Variants in GRM8 observed in about 807,000 individuals in gnomAD.
The protein encoded by GRM8 is metabotropic glutamate receptor 8.
A neutral mutation model predicts 87.2 loss-of-function variants in GRM8; 47 were observed. That is an observed-to-expected ratio of 0.54 (90% confidence interval 0.43 to 0.69). GRM8 has a LOEUF of 0.69. GRM8 is among the 30% of genes least tolerant of loss of function. GRM8 has a pLI of 0.00. For missense variants in GRM8, 1,019 were observed against 1,139.2 expected (o/e 0.89, Z 1.52); for synonymous variants, 396 against 404.5 (o/e 0.98, Z 0.25).
chr7:126,536,915 G>A (rs950599817), intron 8 of GRM8, among the ~76,000 whole-genome samples: 2 of 152,040 alleles, frequency 1.3e-5, no homozygotes, highest in Non-Finnish European at 2.9e-5. Flanking sequence ...TTAAAGGTCA[G>A]TTTCTCTAAC....
At chr7:126,683,543 A>C (rs767726864) in intron 7 of GRM8, among the ~76,000 whole-genome samples, 8 of 152,002 alleles carry the variant, frequency 5.3e-5, no homozygotes, top group Non-Finnish European at 1.2e-4. Flanking sequence ...ATTTTCCCTT[A>C]TCCTTTTCTC....
chr7:126,444,514 T>C (rs1159145848), intron 10 of GRM8, among the ~76,000 whole-genome samples: 1 of 152,090 alleles, frequency 6.6e-6, no homozygotes, highest in Non-Finnish European at 1.5e-5. Flanking sequence ...AAATTTGGTA[T>C]TGGTGACCCG....
intron 8 of GRM8, among the ~76,000 whole-genome samples, chr7:126,562,627 G>T (rs1793827368): frequency 6.6e-6 from 1 of 152,190 alleles, no homozygotes; most frequent in Admixed American, 6.5e-5. Flanking sequence ...CGGCGTGGTG[G>T]CTCACGCCTG....
In GRM8 at chr7:126,637,156, A is replaced by G. The variant is rs1223527670; in HGVS notation, c.1358-27658T>C. Among the ~76,000 whole-genome samples the G allele has an allele frequency of 2.6e-5, 4 of 152,294 alleles. No individual in the cohort carries two copies. In the South Asian group the frequency reaches 6.2e-4, roughly 24 times the overall value. On this transcript the variant is annotated intron_variant, in intron 7 of 10. Transcript: ENST00000339582. The stretch of plus-strand genomic sequence containing the variant: ...TAAATATGCTAGCATGCATGTGAAA[A>G]TGCATTATCCAGGAGAGAATAATTA...
chr7:126,932,942 TATATC>T (rs1805921408), intron 3 of GRM8, among the ~76,000 whole-genome samples: 2 of 152,248 alleles, frequency 1.3e-5, no homozygotes, highest in South Asian at 4.1e-4. Context: ...GTTGTGGAGT[TATATC>T]ATATCAAGAA....
chr7:126,514,964 T>A (rs779865726), intron 9 of GRM8, among the ~76,000 whole-genome samples: 1 of 152,014 alleles, frequency 6.6e-6, no homozygotes, highest in Non-Finnish European at 1.5e-5. Context: ...ACTAAATTAT[T>A]ATAATTACAT....
At position 126,446,384 on chromosome 7, in the gene GRM8, A is replaced by G. The variant is rs1802024377; in HGVS notation, c.2431-12T>C. ...GTCTGGATGTACATCTGAGGGAAGAAAAAAAAAAGAATCACTGTTGGTAAG... is the reference window on the plus strand; with the variant it reads ...GTCTGGATGTACATCTGAGGGAAGAGAAAAAAAAGAATCACTGTTGGTAAG... On this transcript the variant is annotated splice_polypyrimidine_tract_variant and intron_variant, in intron 9 of 10. Coordinates refer to ENST00000339582, the MANE Select transcript of GRM8 (RefSeq NM_000845.3). The G allele has an allele frequency of 6.4e-7, 1 of 1,553,318 alleles. No individual in the cohort carries two copies. The highest frequency in any genetic ancestry group is 8.8e-7 in the Non-Finnish European group (1 of 1,139,482).
chr7:126,530,453 G>A (rs1814614500), intron 9 of GRM8, among the ~76,000 whole-genome samples: 1 of 152,184 alleles, frequency 6.6e-6, no homozygotes, highest in South Asian at 2.1e-4. Flanking sequence ...TGCTGGTGCC[G>A]GCAGGCATCA....
intron 3 of GRM8, among the ~76,000 whole-genome samples, chr7:127,050,622 C>T (rs539488622): frequency 6.6e-6 from 1 of 152,282 alleles, no homozygotes; most frequent in African/African-American, 2.4e-5. Context: ...GAAGCCGAAG[C>T]ATGCAATGGG....
intron 3 of GRM8, among the ~76,000 whole-genome samples, chr7:126,930,478 A>T (rs1254062866): frequency 2.0e-5 from 3 of 152,164 alleles, no homozygotes; most frequent in Non-Finnish European, 1.5e-5. Flanking sequence ...CCTCCTTCTG[A>T]CTGTGATATG....
intron 3 of GRM8, among the ~76,000 whole-genome samples, chr7:126,911,925 T>C (rs1481006134): frequency 6.6e-6 from 1 of 152,084 alleles, no homozygotes; most frequent in East Asian, 1.9e-4. Context: ...CTGGGCGGGG[T>C]GGCTCATGCC....
chr7:126,888,291 G>A (rs189992831), intron 6 of GRM8, among the ~76,000 whole-genome samples: 79 of 152,186 alleles, frequency 5.2e-4, no homozygotes, highest in African/African-American at 1.8e-3. Context: ...ACAAAGAAAA[G>A]ATCACAGTGG....
At chr7:126,629,333 T>G (rs1801013644) in intron 7 of GRM8, among the ~76,000 whole-genome samples, 1 of 152,234 alleles carries the variant, frequency 6.6e-6, no homozygotes, top group Non-Finnish European at 1.5e-5. Flanking sequence ...AAAGCTTAAT[T>G]CATTTTTTTT....
At chr7:126,760,412 C>G (rs1204433680) in intron 7 of GRM8, among the ~76,000 whole-genome samples, 3 of 152,100 alleles carry the variant, frequency 2.0e-5, no homozygotes. Context: ...TCCTTCAAAA[C>G]TATAAAAGAA....
chr7:126,665,448 C>T (rs975290410), intron 7 of GRM8, among the ~76,000 whole-genome samples: 3 of 152,260 alleles, frequency 2.0e-5, no homozygotes, highest in Middle Eastern at 3.4e-3. Context: ...ATGTCCTTTG[C>T]AGCACTGTGG....
chr7:127,178,441 G>A (rs541898291), intron 2 of GRM8, among the ~76,000 whole-genome samples: 13 of 152,174 alleles, frequency 8.5e-5, no homozygotes, highest in South Asian at 8.3e-4. Context: ...GGGAATAATC[G>A]AGGAAAATTT....
intron 7 of GRM8, among the ~76,000 whole-genome samples, chr7:126,622,388 C>A (rs913817145): frequency 6.6e-6 from 1 of 152,096 alleles, no homozygotes; most frequent in African/African-American, 2.4e-5. Flanking sequence ...GACTTATTCT[C>A]ATCCCTCACA....
intron 9 of GRM8, among the ~76,000 whole-genome samples, chr7:126,520,750 G>T (rs1812862137): frequency 6.6e-6 from 1 of 152,042 alleles, no homozygotes; most frequent in South Asian, 2.1e-4. Flanking sequence ...GTGGAAACAG[G>T]TAATTTGACG....
chr7:127,064,965 C>T (rs1820967576), intron 3 of GRM8, among the ~76,000 whole-genome samples: 2 of 152,164 alleles, frequency 1.3e-5, no homozygotes, highest in Non-Finnish European at 2.9e-5. Flanking sequence ...GGCAATTCCT[C>T]AAAGAGCTAA....
Sources: gnomAD v4.1 joint callset for allele counts (sites outside exome capture counted in the v4.1 genomes callset) on GRCh38, gnomAD v4.1.1 for gene constraint, MANE v1.5 for transcripts, NCBI Gene and HGNC (gene_info 2026-07-23, HGNC 2026-07-21) for gene names.